BCKDHB: variants seen among roughly 807,000 people sequenced by gnomAD.
BCKDHB encodes the protein 2-oxoisovalerate dehydrogenase subunit beta, mitochondrial.
BCKDHB carries 41 observed loss-of-function variants against 48.5 expected under a neutral mutation model. That is an observed-to-expected ratio of 0.85 (90% CI 0.66 to 1.10). BCKDHB has a LOEUF of 1.10. Among genes scored for constraint, BCKDHB ranks in the 50% least tolerant of loss-of-function variants. The pLI is 0.00. For missense variants in BCKDHB, 496 were observed against 494.2 expected (o/e 1.00, Z -0.03); for synonymous variants, 201 against 174.8 (o/e 1.15, Z -1.18).
At chr6:80,205,893 A>G (rs1774633593) in intron 8 of BCKDHB, among the ~76,000 whole-genome samples, 1 of 150,934 alleles carries the variant, frequency 6.6e-6, no homozygotes, top group African/African-American at 2.4e-5. Flanking sequence ...AATGAGTGGC[A>G]TGTTGACACC....
intron 8 of BCKDHB, among the ~76,000 whole-genome samples, chr6:80,248,369 G>T (rs113269130): frequency 6.6e-6 from 1 of 152,060 alleles, no homozygotes; most frequent in Admixed American, 6.6e-5. Flanking sequence ...TACATTCTGC[G>T]TTGCTTGGTT....
chr6:80,446,244 G>T, the BCKDHB span, among the ~76,000 whole-genome samples: 1 of 152,208 alleles, frequency 6.6e-6, no homozygotes, highest in Admixed American at 6.5e-5. Flanking sequence ...TGGATCATTA[G>T]TTATACAACT....
intron 8 of BCKDHB, among the ~76,000 whole-genome samples, chr6:80,220,384 TATCTC>T (rs1775379454): frequency 1.4e-5 from 2 of 144,396 alleles, no homozygotes; most frequent in Non-Finnish European, 3.0e-5. Flanking sequence ...TTCTATAGAT[TATCTC>T]TGTTTCTTTA....
At chr6:80,315,298 G>A (rs1019476639) in intron 9 of BCKDHB, among the ~76,000 whole-genome samples, 14 of 152,268 alleles carry the variant, frequency 9.2e-5, no homozygotes, top group Middle Eastern at 3.4e-3. Context: ...CTCATGAGGG[G>A]ATCTCCAGAT....
intron 5 of BCKDHB, chr6:80,169,821 T>G: frequency 9.9e-6 from 16 of 1,609,022 alleles, no homozygotes; most frequent in Non-Finnish European, 1.4e-5. Flanking sequence ...ATCAAAGTTA[T>G]AAGCTTATCT....
At chr6:80,424,038 A>G in the BCKDHB span, among the ~76,000 whole-genome samples, 1 of 152,204 alleles carries the variant, frequency 6.6e-6, no homozygotes, top group Non-Finnish European at 1.5e-5. Context: ...ACATCTATCT[A>G]TTAATTTTTA....
chr6:80,141,048 C>G lies in BCKDHB; in HGVS notation c.343+11819C>G, dbSNP rs576517003. On this transcript the variant is annotated intron_variant, in intron 3 of 9. Transcript: ENST00000320393. ...TTAGTCTTGGGAGAGTGTACGTGTCCAGGAATTTATCCATTTCTTCTAGAT... is the reference window on the plus strand; with the variant it reads ...TTAGTCTTGGGAGAGTGTACGTGTCGAGGAATTTATCCATTTCTTCTAGAT... Among the ~76,000 whole-genome samples, 332 of 152,124 alleles carry G rather than the reference C, an allele frequency of 2.2e-3. 1 individual carries two copies. The highest frequency in any genetic ancestry group is 7.6e-3 in the African/African-American group (315 of 41,512).
intron 5 of BCKDHB, chr6:80,170,073 A>G (rs938152947): frequency 1.4e-5 from 6 of 415,222 alleles, no homozygotes; most frequent in Non-Finnish European, 1.9e-5. Context: ...AAATGAAAAT[A>G]TACTTAAAGT....
chr6:80,394,300 CT>C, the BCKDHB span, among the ~76,000 whole-genome samples: 19 of 152,062 alleles, frequency 1.2e-4, no homozygotes, highest in Non-Finnish European at 2.6e-4. Flanking sequence ...ATCATTTTGA[CT>C]GAGTTTTAAA....
chr6:80,405,621 G>T, the BCKDHB span, among the ~76,000 whole-genome samples: 96 of 99,192 alleles, frequency 9.7e-4, no homozygotes, highest in Non-Finnish European at 1.9e-3. Flanking sequence ...TTTTCTTGCT[G>T]TCTTGATGAT....
intron 3 of BCKDHB, among the ~76,000 whole-genome samples, chr6:80,144,881 C>G (rs995554822): frequency 2.0e-5 from 3 of 152,128 alleles, no homozygotes; most frequent in African/African-American, 7.2e-5. Context: ...CAGTCTTCCA[C>G]TGTTTAAATT....
intron 9 of BCKDHB, among the ~76,000 whole-genome samples, chr6:80,332,276 A>G (rs1386243270): frequency 6.6e-6 from 1 of 152,212 alleles, no homozygotes; most frequent in African/African-American, 2.4e-5. Flanking sequence ...AGTCTGAGAC[A>G]GTGAGATCCT....
chr6:80,218,422 C>T (rs749298837), intron 8 of BCKDHB, among the ~76,000 whole-genome samples: 1 of 152,132 alleles, frequency 6.6e-6, no homozygotes, highest in Non-Finnish European at 1.5e-5. Context: ...CACTCATGCA[C>T]ACACATGCAT....
At chr6:80,351,322 G>GTA in the BCKDHB span, among the ~76,000 whole-genome samples, 3 of 152,100 alleles carry the variant, frequency 2.0e-5, no homozygotes, top group Non-Finnish European at 4.4e-5. Flanking sequence ...ATGTGTGTGT[G>GTA]TATATATATA....
At chr6:80,147,564 A>G (rs1202837781) in intron 3 of BCKDHB, among the ~76,000 whole-genome samples, 2 of 152,182 alleles carry the variant, frequency 1.3e-5, no homozygotes, top group African/African-American at 2.4e-5. Flanking sequence ...TTAAAACATA[A>G]CTGTGGTCAC....
At chr6:80,283,949 A>G (rs1022028517) in intron 9 of BCKDHB, among the ~76,000 whole-genome samples, 13 of 152,136 alleles carry the variant, frequency 8.5e-5, no homozygotes, top group Admixed American at 3.9e-4. Context: ...CACATATTCA[A>G]TTTGCCAAGA....
intron 1 of BCKDHB, among the ~76,000 whole-genome samples, chr6:80,126,614 TAA>T (rs1680595556): frequency 6.9e-6 from 1 of 145,504 alleles, no homozygotes; most frequent in Non-Finnish European, 1.5e-5. Context: ...GGCACTAGGA[TAA>T]AGAGTGGGCC....
At chr6:80,418,700 A>G in the BCKDHB span, among the ~76,000 whole-genome samples, 2 of 152,124 alleles carry the variant, frequency 1.3e-5, no homozygotes, top group Non-Finnish European at 2.9e-5. Flanking sequence ...ACTAATCACT[A>G]CACTGTGATA....
chr6:80,346,511 T>G (rs143450045), downstream of BCKDHB, among the ~76,000 whole-genome samples: 368 of 152,212 alleles, frequency 2.4e-3, 1 homozygote, highest in African/African-American at 8.1e-3. Flanking sequence ...TCGTAATGAA[T>G]GTACTCACCT....
Sources: gnomAD v4.1 joint callset for allele counts (sites outside exome capture counted in the v4.1 genomes callset) on GRCh38, gnomAD v4.1.1 for gene constraint, MANE v1.5 for transcripts, NCBI Gene and HGNC (gene_info 2026-07-23, HGNC 2026-07-21) for gene names.